TUBD1: variants seen among roughly 807,000 people sequenced by gnomAD.
The protein encoded by TUBD1 is tubulin delta 1, also known as tubulin delta chain.
Under a neutral mutation model 51.2 loss-of-function variants are expected in TUBD1, and 38 were observed. The ratio of observed to expected loss-of-function variants is 0.74; its 90% CI spans 0.57 to 0.97. TUBD1 has a LOEUF of 0.97. TUBD1 is among the 50% of genes least tolerant of loss of function. The pLI, the probability that TUBD1 is intolerant of heterozygous loss-of-function variation, is 0.00. For missense variants in TUBD1, 489 were observed against 538.4 expected (o/e 0.91, Z 0.91); for synonymous variants, 169 against 178.2 (o/e 0.95, Z 0.41).
chr17:59,875,621 G>A (rs138880094), intron 5 of TUBD1, among the ~76,000 whole-genome samples: 5 of 151,716 alleles, frequency 3.3e-5, no homozygotes, highest in African/African-American at 4.8e-5. Context: ...TTAGCCAGGC[G>A]TTGTGGCAGG....
At chr17:59,882,845 C>T (rs569156596) in intron 3 of TUBD1, among the ~76,000 whole-genome samples, 20 of 151,832 alleles carry the variant, frequency 1.3e-4, no homozygotes, top group Middle Eastern at 6.8e-3. Flanking sequence ...AGTGCTGTGG[C>T]ATGATCTCTA....
Position 59,874,636 on chromosome 17 carries a change from G to A in TUBD1, c.837C>T (p.His279=), listed in dbSNP as rs2040145022. The change falls in exon 6 of 9, where the codon CAC becomes CAT. Residue 279 remains histidine (H), a synonymous_variant. Coordinates refer to ENST00000325752, the MANE Select transcript of TUBD1 (RefSeq NM_016261.4). ...TGTATGCCAATGAATTCTCAGACAT[G>A]TGAGGAATGTTACGAACACTCAGCA... is the stretch of plus-strand genomic sequence containing the variant. The part of the protein sequence containing the change: ...FKMLSVRNIP[H]MSENSLAYTT... 1 of 1,613,722 alleles carries A rather than the reference G, an allele frequency of 6.2e-7. No homozygotes were observed. The highest frequency in any genetic ancestry group is 1.7e-5 in the Admixed American group (1 of 59,942).
Position 59,878,170 on chromosome 17 carries a change from C to A in TUBD1, c.702G>T (p.Gln234His). 6.2e-7 allele frequency: 1 copy of A among 1,614,134 alleles called. No homozygotes were observed. Among genetic ancestry groups the A allele is most frequent in the Non-Finnish European group, 8.5e-7 (1 of 1,180,042 alleles). ...AAGTAGGCTGGAACACACTTCCCAGCTGATGTGCGAGGACTTGATTGATAT... is the reference window on the plus strand; with the variant it reads ...AAGTAGGCTGGAACACACTTCCCAGATGATGTGCGAGGACTTGATTGATAT... ...FSDINQVLAH[Q>H]LGSVFQPTYS... is the part of the protein sequence containing the mutation. Residue 234 changes from glutamine (Q) to histidine (H), a missense_variant, in exon 5 of 9, where the codon CAG becomes CAT. Transcript: ENST00000325752.
intron 6 of TUBD1, among the ~76,000 whole-genome samples, chr17:59,869,476 C>G (rs578091421): frequency 2.7e-5 from 4 of 150,836 alleles, no homozygotes; most frequent in South Asian, 4.2e-4. Flanking sequence ...TTCTGTCCCC[C>G]CCGCCAAAAA....
At chr17:59,876,348 GTTTT>G (rs1279697643) in intron 5 of TUBD1, among the ~76,000 whole-genome samples, 1 of 137,108 alleles carries the variant, frequency 7.3e-6, no homozygotes. Flanking sequence ...CTAACTGTTT[GTTTT>G]TTTTTTGTTT....
chr17:59,883,422 C>A (rs1048375716), intron 3 of TUBD1, among the ~76,000 whole-genome samples: 1 of 151,976 alleles, frequency 6.6e-6, no homozygotes, highest in Non-Finnish European at 1.5e-5. Context: ...GCCATCACCA[C>A]GCCCAGCTAA....
chr17:59,863,723 C>G lies in TUBD1; in HGVS notation c.1200G>C (p.Gln400His). The change falls in exon 8 of 9, where the codon CAG (glutamine) becomes CAC (histidine). Residue 400 changes from glutamine to histidine, a missense_variant. By Grantham distance (24) the Gln-to-His change is conservative. Transcript: ENST00000325752. Reference sequence around the variant, plus strand: ...TCATATCAAGTGGTTTTACTAAGAACTGGCTGTTGCTGACCAACACTGCAG... The same window carrying G: ...TCATATCAAGTGGTTTTACTAAGAAGTGGCTGTTGCTGACCAACACTGCAG... ...EKSAVLVSNS[Q>H]FLVKPLDMIV... The G allele has an allele frequency of 6.2e-7, 1 of 1,606,186 alleles. No individual in the cohort carries two copies. The highest frequency in any genetic ancestry group is 8.5e-7 in the Non-Finnish European group (1 of 1,177,684).
rs751041526 is a variant in TUBD1 at position 59,886,219 on chromosome 17, G to A, written c.184C>T (p.Arg62Trp). ...SEEENGVPIA[R>W]AVLVDMEPKV... ...GGTTCCATGTCAACAAGAACAGCCC[G>A]GGCAATTGGAACTAGAGGGGGAAAA... Residue 62 changes from arginine (R) to tryptophan (W), a missense_variant, in exon 3 of 9, where the codon CGG becomes TGG. Transcript: ENST00000325752. The A allele has an allele frequency of 9.9e-6, 16 of 1,611,124 alleles. No homozygotes were observed. Among genetic ancestry groups the A allele is most frequent in the African/African-American group, 5.4e-5 (4 of 74,620 alleles).
chr17:59,867,601 T>C (rs991966791), intron 6 of TUBD1, among the ~76,000 whole-genome samples: 5 of 152,152 alleles, frequency 3.3e-5, no homozygotes, highest in Middle Eastern at 6.8e-3. Context: ...GTGGGGAGAA[T>C]TGCCTAAGCC....
chr17:59,875,071 T>G (rs1011943221), intron 5 of TUBD1, among the ~76,000 whole-genome samples: 5 of 127,460 alleles, frequency 3.9e-5, no homozygotes, highest in Non-Finnish European at 8.1e-5. Context: ...TATTGTTATA[T>G]TCTTTTTTTT....
At chr17:59,889,874 G>A (rs2040914518) in intron 2 of TUBD1, among the ~76,000 whole-genome samples, 1 of 150,640 alleles carries the variant, frequency 6.6e-6, no homozygotes, top group Non-Finnish European at 1.5e-5. Context: ...GGAGGCTGAG[G>A]CAGGAGAATT....
At chr17:59,868,609 G>A (rs183948216) in intron 6 of TUBD1, among the ~76,000 whole-genome samples, 1 of 151,800 alleles carries the variant, frequency 6.6e-6, no homozygotes. Context: ...CGAGGCAGAG[G>A]GGGGGGATCA....
intron 8 of TUBD1, 48 bp downstream of exon 8, chr17:59,863,616 C>CAA (rs377342839): frequency 6.7e-3 from 7,583 of 1,131,352 alleles, no homozygotes; most frequent in South Asian, 9.8e-3. Context: ...GACTCTGTCT[C>CAA]AAAAAAAAAA....
chr17:59,891,045 T>C lies in TUBD1; in HGVS notation c.-39-4A>G, dbSNP rs142228040. ...GTGTATTACCTCTAAAAACAACCTGTAATCGAAAAAAATACGCTTTGAGAA... is the reference window on the plus strand; with the variant it reads ...GTGTATTACCTCTAAAAACAACCTGCAATCGAAAAAAATACGCTTTGAGAA... On this transcript the variant is annotated splice_polypyrimidine_tract_variant and splice_region_variant and intron_variant, in intron 1 of 8. Coordinates refer to ENST00000325752, the MANE Select transcript of TUBD1 (RefSeq NM_016261.4). 1.0e-3 allele frequency: 1,572 copies of C among 1,522,042 alleles called. 1 individual carries two copies. The highest frequency in any genetic ancestry group is 1.3e-3 in the Non-Finnish European group (1,511 of 1,123,176). The allele number at this position is 1,522,042 out of a possible 1,614,324, so 94.3% of individuals were successfully genotyped here.
rs1458066505 is a variant in TUBD1 at position 59,887,649 on chromosome 17, C to T, written c.173-1419G>A. 2.6e-5 allele frequency among the ~76,000 whole-genome samples: 4 copies of T among 152,104 alleles called. 1 individual carries two copies. The highest frequency in any genetic ancestry group is 1.3e-4 in the Admixed American group (2 of 15,252). Reference sequence around the variant, plus strand: ...TTATCTTTTAGGCCATGATTAACCACCAAAAATTTTCAAGCAGGCGAGGAA... The same window carrying T: ...TTATCTTTTAGGCCATGATTAACCATCAAAAATTTTCAAGCAGGCGAGGAA... On this transcript the variant is annotated intron_variant, in intron 2 of 8. Coordinates refer to ENST00000325752, the MANE Select transcript of TUBD1 (RefSeq NM_016261.4).
At chr17:59,889,009 GCTT>G (rs2040861095) in intron 2 of TUBD1, among the ~76,000 whole-genome samples, 1 of 102,608 alleles carries the variant, frequency 9.7e-6, no homozygotes, top group Non-Finnish European at 1.9e-5. Flanking sequence ...ACCATGCCTG[GCTT>G]TTTTTTTTTT....
chr17:59,879,723 C>G (rs2144529678), intron 4 of TUBD1, among the ~76,000 whole-genome samples: 1 of 150,842 alleles, frequency 6.6e-6, no homozygotes, highest in East Asian at 2.0e-4. Context: ...GAAGTGAGCC[C>G]CAACTGCCTG....
chr17:59,863,159 C>T (rs2039538931), intron 8 of TUBD1, among the ~76,000 whole-genome samples: 1 of 152,274 alleles, frequency 6.6e-6, no homozygotes, highest in African/African-American at 2.4e-5. Flanking sequence ...TTATCTAATC[C>T]TCGTGAGAAA....
chr17:59,877,371 T>C (rs928355874), intron 5 of TUBD1, among the ~76,000 whole-genome samples: 6 of 152,276 alleles, frequency 3.9e-5, no homozygotes, highest in South Asian at 2.1e-4. Flanking sequence ...GACGCGCACA[T>C]TGACAACTCT....
Sources: allele counts gnomAD v4.1 joint callset (sites outside exome capture counted in the v4.1 genomes callset), GRCh38; gene constraint gnomAD v4.1.1; transcripts MANE v1.5; gene names NCBI Gene and HGNC (gene_info 2026-07-23, HGNC 2026-07-21).